TP63: variants seen among roughly 807,000 people sequenced by gnomAD.
TP63 encodes the protein tumor protein 63.
A neutral mutation model predicts 82.8 loss-of-function variants in TP63; 17 were observed. That is an observed-to-expected ratio of 0.21 (90% CI 0.14 to 0.31). TP63 has a LOEUF of 0.31. Among genes scored for constraint, TP63 ranks in the 10% least tolerant of loss-of-function variants. TP63 has a pLI of 1.00. For synonymous variants in TP63, 330 were observed against 321.7 expected, an observed-to-expected ratio of 1.03 and a Z score of -0.28; for missense variants, 648 against 895.3, an observed-to-expected ratio of 0.72 and a Z score of 3.52.
chr3:189,698,999 C>A (rs1474016963), intron 1 of TP63, among the ~76,000 whole-genome samples: 1 of 152,122 alleles, frequency 6.6e-6, no homozygotes, highest in Admixed American at 6.6e-5. Flanking sequence ...TGAATGCCTG[C>A]CAAGTGCTGA....
At chr3:189,736,440 T>C (rs1339712735) in intron 1 of TP63, among the ~76,000 whole-genome samples, 1 of 152,088 alleles carries the variant, frequency 6.6e-6, no homozygotes, top group Non-Finnish European at 1.5e-5. Flanking sequence ...AGCTCTTACC[T>C]GACCTTCCTA....
At chr3:189,878,159 G>A (rs1375617379) in intron 10 of TP63, among the ~76,000 whole-genome samples, 1 of 152,136 alleles carries the variant, frequency 6.6e-6, no homozygotes, top group Non-Finnish European at 1.5e-5. Context: ...TGAGGGAGAA[G>A]CAGGCAGTAT....
intron 1 of TP63, among the ~76,000 whole-genome samples, chr3:189,687,019 G>A (rs529315917): frequency 3.9e-4 from 59 of 152,170 alleles, no homozygotes; most frequent in African/African-American, 1.3e-3. Context: ...GTGAGCCACC[G>A]CGCCTGGCCA....
intron 4 of TP63, among the ~76,000 whole-genome samples, chr3:189,840,716 G>T (rs949822884): frequency 6.6e-6 from 1 of 151,652 alleles, no homozygotes. Flanking sequence ...AAATTAGCCG[G>T]GTGTAGTGGC....
At chr3:189,680,624 T>G (rs963289420) in intron 1 of TP63, among the ~76,000 whole-genome samples, 1 of 152,192 alleles carries the variant, frequency 6.6e-6, no homozygotes, top group African/African-American at 2.4e-5. Flanking sequence ...ACAAGGATTG[T>G]TCAACACATG....
chr3:189,822,460 A>T (rs1000330244), intron 4 of TP63, among the ~76,000 whole-genome samples: 1 of 152,176 alleles, frequency 6.6e-6, no homozygotes, highest in Non-Finnish European at 1.5e-5. Context: ...CTTTCTGAAA[A>T]ACTTATTTCA....
At chr3:189,628,596 A>C (rs911911543), upstream of TP63, among the ~76,000 whole-genome samples, 1 of 152,122 alleles carries the variant, frequency 6.6e-6, no homozygotes, top group Non-Finnish European at 1.5e-5. Context: ...CAGGCAGGTC[A>C]TGGTCAGAAA....
intron 3 of TP63, among the ~76,000 whole-genome samples, chr3:189,780,676 T>G (rs578083834): frequency 6.6e-6 from 1 of 152,250 alleles, no homozygotes; most frequent in African/African-American, 2.4e-5. Context: ...CAGAGACAGG[T>G]GCTTTTTCTC....
chr3:189,791,189 C>T (rs1315007034), intron 3 of TP63, among the ~76,000 whole-genome samples: 2 of 151,964 alleles, frequency 1.3e-5, no homozygotes, highest in Admixed American at 1.3e-4. Flanking sequence ...ATGATCTGTC[C>T]ATCATGTCAT....
At chr3:189,633,379 C>T (rs1729578866) in intron 1 of TP63, among the ~76,000 whole-genome samples, 1 of 152,034 alleles carries the variant, frequency 6.6e-6, no homozygotes, top group African/African-American at 2.4e-5. Flanking sequence ...ATCCCTCCTC[C>T]CACCTTCCAC....
At chr3:189,748,293 G>A (rs1019521903) in intron 3 of TP63, among the ~76,000 whole-genome samples, 3 of 151,776 alleles carry the variant, frequency 2.0e-5, no homozygotes, top group Admixed American at 6.6e-5. Flanking sequence ...GAAAACCTAC[G>A]CTCTTCCTGA....
chr3:189,866,595 C>T, intron 5 of TP63, 87 bp from the exon 6 acceptor site: 2 of 1,220,994 alleles, frequency 1.6e-6, no homozygotes, highest in Non-Finnish European at 2.4e-6. Flanking sequence ...TTTCTTTTGC[C>T]ACCAACATCC....
At chr3:189,873,793 TA>T (rs965365161) in intron 10 of TP63, among the ~76,000 whole-genome samples, 4 of 152,206 alleles carry the variant, frequency 2.6e-5, no homozygotes, top group African/African-American at 9.6e-5. Flanking sequence ...TTTCTGTGGT[TA>T]AAAATAATCA....
chr3:189,603,018 C>A, the TP63 span, among the ~76,000 whole-genome samples: 1 of 152,130 alleles, frequency 6.6e-6, no homozygotes, highest in Non-Finnish European at 1.5e-5. Context: ...ACTTTATAAA[C>A]TTCTCAGCTG....
the TP63 span, among the ~76,000 whole-genome samples, chr3:189,624,174 C>T: frequency 6.6e-6 from 1 of 152,006 alleles, no homozygotes; most frequent in South Asian, 2.1e-4. Flanking sequence ...TATATTAATG[C>T]CATGTACCAT....
At chr3:189,884,611 G>A (rs138919267) in intron 10 of TP63, among the ~76,000 whole-genome samples, 52 of 152,170 alleles carry the variant, frequency 3.4e-4, no homozygotes, top group African/African-American at 1.2e-3. Flanking sequence ...AGAAGAGTTC[G>A]GTAACCTGAA....
chr3:189,694,321 T>C (rs1717175474), intron 1 of TP63, among the ~76,000 whole-genome samples: 1 of 152,222 alleles, frequency 6.6e-6, no homozygotes, highest in South Asian at 2.1e-4. Flanking sequence ...CTAATAGTGA[T>C]ACATTATTTT....
chr3:189,810,715 A>G (rs998265194), intron 4 of TP63, among the ~76,000 whole-genome samples: 1 of 151,822 alleles, frequency 6.6e-6, no homozygotes, highest in African/African-American at 2.4e-5. Context: ...AATTAGCCAG[A>G]CGTGGTGGTG....
intron 4 of TP63, among the ~76,000 whole-genome samples, chr3:189,828,478 A>C (rs1475103266): frequency 2.0e-5 from 3 of 152,142 alleles, no homozygotes; most frequent in Admixed American, 2.0e-4. Context: ...TATATTCCTC[A>C]AGGTTTGGGG....
Sources: allele counts gnomAD v4.1 joint callset (sites outside exome capture counted in the v4.1 genomes callset), GRCh38; gene constraint gnomAD v4.1.1; transcripts MANE v1.5; gene names NCBI Gene and HGNC (gene_info 2026-07-23, HGNC 2026-07-21).